The following SMYD3 variants were observed in gnomAD, a reference collection of about 807,000 sequenced individuals.
SMYD3 encodes the protein histone-lysine N-methyltransferase SMYD3.
SMYD3 carries 36 observed loss-of-function variants against 57.7 expected under a neutral mutation model. The observed-to-expected ratio is 0.62, with a 90% CI of 0.48 to 0.82. The LOEUF (loss-of-function observed/expected upper bound fraction) is 0.82, where lower values mean the gene tolerates loss of function less well. Ranked by LOEUF, SMYD3 falls within the 40% of genes least tolerant of loss-of-function variation. SMYD3 has a pLI of 0.00. For synonymous variants in SMYD3, 211 were observed against 195.0 expected, an observed-to-expected ratio of 1.08 and a Z score of -0.68; for missense variants, 515 against 538.8, an observed-to-expected ratio of 0.96 and a Z score of 0.44.
chr1:245,994,206 T>C (rs1197749763), intron 5 of SMYD3, among the ~76,000 whole-genome samples: 1 of 152,230 alleles, frequency 6.6e-6, no homozygotes, highest in Non-Finnish European at 1.5e-5. Context: ...TTTAAGTGCA[T>C]TCCATTTCTA....
In SMYD3 at chr1:246,215,649, G is replaced by A. The variant is rs763903363; in HGVS notation, c.531+111552C>T. Among the ~76,000 whole-genome samples the A allele has an allele frequency of 1.3e-5, 2 of 152,096 alleles. 1 individual carries two copies. Among genetic ancestry groups the A allele is most frequent in the Non-Finnish European group, 2.9e-5 (2 of 68,034 alleles). ...CTCAGTGGCCATCGTTCTCTGTCCT[G>A]TCTTCATGCAGCTGGGCTGAGCAGC... On this transcript the variant is annotated intron_variant, in intron 5 of 11. Coordinates refer to ENST00000490107, the MANE Select transcript of SMYD3 (RefSeq NM_001167740.2).
At chr1:246,059,372 G>C (rs1050340384) in intron 5 of SMYD3, among the ~76,000 whole-genome samples, 1 of 152,086 alleles carries the variant, frequency 6.6e-6, no homozygotes, top group African/African-American at 2.4e-5. Context: ...ATGACTTTAA[G>C]TATTCTATAC....
chr1:245,885,340 C>G (rs1440950010), intron 8 of SMYD3, among the ~76,000 whole-genome samples: 1 of 152,186 alleles, frequency 6.6e-6, no homozygotes, highest in South Asian at 2.1e-4. Context: ...GGACACACCA[C>G]CATGTTGAAC....
At chr1:246,247,023 A>C (rs939371099) in intron 5 of SMYD3, among the ~76,000 whole-genome samples, 3 of 152,182 alleles carry the variant, frequency 2.0e-5, no homozygotes, top group Admixed American at 6.5e-5. Context: ...AAATCAACTA[A>C]GACTAAATGC....
intron 5 of SMYD3, among the ~76,000 whole-genome samples, chr1:246,295,647 C>A (rs1307066946): frequency 1.3e-5 from 2 of 152,006 alleles, no homozygotes; most frequent in African/African-American, 4.8e-5. Flanking sequence ...TCTGTTGGAC[C>A]AAAACCAAGA....
chr1:245,871,911 G>A (rs958407200), intron 8 of SMYD3, among the ~76,000 whole-genome samples: 4 of 152,136 alleles, frequency 2.6e-5, no homozygotes, highest in Admixed American at 1.3e-4. Context: ...GTGGAGGAGG[G>A]AGCACATTAC....
intron 5 of SMYD3, among the ~76,000 whole-genome samples, chr1:246,270,257 C>A (rs190442378): frequency 4.7e-4 from 71 of 152,284 alleles, no homozygotes; most frequent in Non-Finnish European, 8.8e-4. Flanking sequence ...TTTCTCAAGG[C>A]ATAGATGCAT....
intron 10 of SMYD3, among the ~76,000 whole-genome samples, chr1:245,826,030 T>TTTTTTTTTTTTTTTTTGTG: frequency 7.2e-6 from 1 of 138,440 alleles, no homozygotes; most frequent in South Asian, 2.5e-4. Context: ...ATGTTGTATT[T>TTTTTTTTTTTTTTTTTGTG]AATTAAATAT....
intron 5 of SMYD3, among the ~76,000 whole-genome samples, chr1:246,234,346 T>C (rs1297581009): frequency 6.9e-6 from 1 of 145,714 alleles, no homozygotes; most frequent in African/African-American, 2.6e-5. Flanking sequence ...ATGTACCACA[T>C]GGAGGAGAAG....
intron 1 of SMYD3, 51 bp downstream of exon 1, chr1:246,507,003 A>ACCCCCCCCCCCCCC: frequency 1.4e-6 from 1 of 691,576 alleles, no homozygotes; most frequent in Non-Finnish European, 2.0e-6. Flanking sequence ...CCCCCTCCCC[A>ACCCCCCCCCCCCCC]GCACCCCACA....
chr1:246,175,649 G>A (rs1288204022), intron 5 of SMYD3, among the ~76,000 whole-genome samples: 1 of 152,150 alleles, frequency 6.6e-6, no homozygotes, highest in Non-Finnish European at 1.5e-5. Context: ...GGGAAACAGA[G>A]TATCTTCTAA....
At chr1:246,051,813 T>C (rs1232128678) in intron 5 of SMYD3, among the ~76,000 whole-genome samples, 5 of 152,190 alleles carry the variant, frequency 3.3e-5, no homozygotes, top group Non-Finnish European at 7.4e-5. Flanking sequence ...AACAAACTTC[T>C]CTTATTAATC....
intron 5 of SMYD3, among the ~76,000 whole-genome samples, chr1:246,074,475 A>G (rs2060511930): frequency 6.6e-6 from 1 of 152,200 alleles, no homozygotes; most frequent in Non-Finnish European, 1.5e-5. Context: ...TATAACAACT[A>G]TAAGCTCTGG....
At chr1:245,817,417 C>G (rs1336907915) in intron 10 of SMYD3, among the ~76,000 whole-genome samples, 1 of 149,098 alleles carries the variant, frequency 6.7e-6, no homozygotes, top group African/African-American at 2.5e-5. Context: ...CATCAAAGAC[C>G]AAAAGTAGAT....
At chr1:245,800,116 G>A (rs142289105) in intron 10 of SMYD3, among the ~76,000 whole-genome samples, 78 of 152,242 alleles carry the variant, frequency 5.1e-4, no homozygotes, top group African/African-American at 1.8e-3. Flanking sequence ...CCCCATGCCT[G>A]TCACCACCCT....
At chr1:246,068,433 T>G (rs898632376) in intron 5 of SMYD3, among the ~76,000 whole-genome samples, 2 of 152,130 alleles carry the variant, frequency 1.3e-5, no homozygotes, top group African/African-American at 4.8e-5. Context: ...GACAACACAA[T>G]CAAAAACGAA....
intron 8 of SMYD3, among the ~76,000 whole-genome samples, chr1:245,905,455 G>A (rs2054495211): frequency 6.6e-6 from 1 of 152,224 alleles, no homozygotes; most frequent in Admixed American, 6.5e-5. Flanking sequence ...ACTCCATGTG[G>A]CCAGGGGTAA....
Position 246,159,562 on chromosome 1 carries a change from G to C in SMYD3, c.531+167639C>G, listed in dbSNP as rs111727976. The stretch of plus-strand genomic sequence containing the variant: ...GCATGAATGGGCCTTTTGTAGCCCC[G>C]AAAAAAAAAAAAATTGAAACTCTGT... On this transcript the variant is annotated intron_variant, in intron 5 of 11. Transcript: ENST00000490107. Among the ~76,000 whole-genome samples the C allele has an allele frequency of 1.9e-3, 277 of 144,324 alleles. 3 individuals carry two copies. Among genetic ancestry groups the C allele is most frequent in the African/African-American group, 6.7e-3 (264 of 39,626 alleles). The allele number at this position is 144,324 out of a possible 152,430, so 94.7% of individuals were successfully genotyped here.
At chr1:245,930,311 C>T (rs1198459669) in intron 5 of SMYD3, 13 of 360,330 alleles carry the variant, frequency 3.6e-5, no homozygotes, top group Admixed American at 2.3e-4. Context: ...TGCTGTATCA[C>T]GATTTTTTCA....
Sources: gnomAD v4.1 joint callset for allele counts (sites outside exome capture counted in the v4.1 genomes callset) on GRCh38, gnomAD v4.1.1 for gene constraint, MANE v1.5 for transcripts, NCBI Gene and HGNC (gene_info 2026-07-23, HGNC 2026-07-21) for gene names.